LRRC37A2: variants seen among roughly 807,000 people sequenced by gnomAD.
LRRC37A2 encodes the protein leucine-rich repeat-containing protein 37A2.
Under a neutral mutation model 68.8 loss-of-function variants are expected in LRRC37A2, and 9 were observed. The ratio of observed to expected loss-of-function variants is 0.13; its 90% CI spans 0.08 to 0.23. The LOEUF is 0.23. Ranked by LOEUF, LRRC37A2 falls within the 10% of genes least tolerant of loss-of-function variation. The probability of loss-of-function intolerance (pLI) is 1.00; values close to 1 mark genes in which losing one functional copy is unlikely to be tolerated. For synonymous variants in LRRC37A2, 63 were observed against 367.6 expected (o/e 0.17, Z 9.48); for missense variants, 168 against 950.4 (o/e 0.18, Z 10.82).
chr17:46,775,609 C>CTTT, the LRRC37A2 span, among the ~76,000 whole-genome samples: 143 of 111,538 alleles, frequency 1.3e-3, no homozygotes, highest in African/African-American at 2.1e-3. Flanking sequence ...GCCAGAAGTT[C>CTTT]TTTTTTTTTT....
chr17:46,812,953 G>T, the LRRC37A2 span, among the ~76,000 whole-genome samples: 3 of 152,132 alleles, frequency 2.0e-5, no homozygotes, highest in Admixed American at 2.0e-4. Flanking sequence ...TGAGGAAACT[G>T]AGGCTTGCAG....
chr17:46,978,088 C>G, the LRRC37A2 span: 1 of 154,120 alleles, frequency 6.5e-6, no homozygotes, highest in Non-Finnish European at 1.4e-5. Flanking sequence ...CCACGGGGCT[C>G]AAAGTGTCCG....
the LRRC37A2 span, chr17:46,751,463 A>C: frequency 3.5e-6 from 5 of 1,411,576 alleles, no homozygotes; most frequent in Non-Finnish European, 5.0e-6. Flanking sequence ...TGATGTGTTC[A>C]CTGTAAAAGT....
the LRRC37A2 span, among the ~76,000 whole-genome samples, chr17:47,004,827 G>A: frequency 2.0e-5 from 3 of 152,182 alleles, no homozygotes; most frequent in Non-Finnish European, 4.4e-5. Flanking sequence ...ACTGCACCTG[G>A]CCCATAGCAA....
the LRRC37A2 span, among the ~76,000 whole-genome samples, chr17:46,861,569 C>G: frequency 6.6e-6 from 1 of 152,194 alleles, no homozygotes; most frequent in African/African-American, 2.4e-5. Flanking sequence ...AGAGCAGAGA[C>G]TTATCCCCAT....
At chr17:46,870,583 G>T in the LRRC37A2 span, among the ~76,000 whole-genome samples, 1 of 152,020 alleles carries the variant, frequency 6.6e-6, no homozygotes, top group African/African-American at 2.4e-5. Context: ...TATGCTCCAT[G>T]ATGGGTTGAC....
the LRRC37A2 span, chr17:46,941,033 G>T: frequency 1.1e-5 from 12 of 1,093,106 alleles, no homozygotes; most frequent in Non-Finnish European, 1.3e-5. Flanking sequence ...TTCTTAGGTC[G>T]AGCTGATGCA....
the LRRC37A2 span, among the ~76,000 whole-genome samples, chr17:46,849,200 T>C: frequency 6.6e-6 from 1 of 152,236 alleles, no homozygotes; most frequent in Non-Finnish European, 1.5e-5. Context: ...AATATTTTCC[T>C]CGTGTTTCTC....
the LRRC37A2 span, among the ~76,000 whole-genome samples, chr17:47,014,344 C>T: frequency 6.8e-6 from 1 of 146,360 alleles, no homozygotes; most frequent in African/African-American, 2.5e-5. Flanking sequence ...GAGCCAAGAT[C>T]ATGCCACTGC....
chr17:47,027,870 G>A, the LRRC37A2 span, among the ~76,000 whole-genome samples: 1 of 152,194 alleles, frequency 6.6e-6, no homozygotes, highest in African/African-American at 2.4e-5. Flanking sequence ...ATCTGGTAAT[G>A]TCCGGAGACA....
chr17:46,993,811 G>A, the LRRC37A2 span, among the ~76,000 whole-genome samples: 1 of 152,208 alleles, frequency 6.6e-6, no homozygotes, highest in East Asian at 1.9e-4. Flanking sequence ...TGCCCGGGCT[G>A]ACATCCTCTA....
the LRRC37A2 span, among the ~76,000 whole-genome samples, chr17:46,750,132 C>T: frequency 6.6e-6 from 1 of 152,170 alleles, no homozygotes; most frequent in African/African-American, 2.4e-5. Flanking sequence ...GCAGGTGGAT[C>T]ACTTGAGGTC....
chr17:46,777,145 GGTT>G, the LRRC37A2 span, among the ~76,000 whole-genome samples: 1 of 152,224 alleles, frequency 6.6e-6, no homozygotes, highest in African/African-American at 2.4e-5. Flanking sequence ...GGGAGGTGGA[GGTT>G]GTTGTGAGCC....
chr17:46,526,432 G>C (rs1373359782), intron 6 of LRRC37A2, among the ~76,000 whole-genome samples: 1 of 103,062 alleles, frequency 9.7e-6, no homozygotes, highest in Non-Finnish European at 2.1e-5. Context: ...ATGATGAATA[G>C]AGCCTAACCT....
At chr17:46,714,069 T>A in the LRRC37A2 span, 1 of 1,403,284 alleles carries the variant, frequency 7.1e-7, no homozygotes, top group Non-Finnish European at 9.5e-7. Context: ...TGTACATGTA[T>A]ACATATAAAC....
At chr17:46,841,102 G>C in the LRRC37A2 span, among the ~76,000 whole-genome samples, 2 of 152,196 alleles carry the variant, frequency 1.3e-5, no homozygotes, top group African/African-American at 2.4e-5. Context: ...AGGAAAGAGG[G>C]TGCCGACAGA....
At chr17:47,028,244 T>A in the LRRC37A2 span, 225 of 1,293,582 alleles carry the variant, frequency 1.7e-4, no homozygotes, top group Non-Finnish European at 2.2e-4. Flanking sequence ...GAAATAATTA[T>A]TTTTTTCCTT....
the LRRC37A2 span, among the ~76,000 whole-genome samples, chr17:46,721,220 C>G: frequency 0.03 from 4,580 of 152,320 alleles, 94 homozygotes; most frequent in Admixed American, 0.067. Context: ...TGTGTCGTAC[C>G]TCCACCTTTG....
At chr17:46,878,833 C>G in the LRRC37A2 span, among the ~76,000 whole-genome samples, 6 of 152,338 alleles carry the variant, frequency 3.9e-5, no homozygotes, top group African/African-American at 1.2e-4. Flanking sequence ...TCTAAGGCAT[C>G]TAGGCAGTGG....
Sources: gnomAD v4.1 joint callset for allele counts (sites outside exome capture counted in the v4.1 genomes callset) on GRCh38, gnomAD v4.1.1 for gene constraint, MANE v1.5 for transcripts, NCBI Gene and HGNC (gene_info 2026-07-23, HGNC 2026-07-21) for gene names.